Variants in SCN1A observed in about 807,000 individuals in gnomAD.
SCN1A encodes sodium voltage-gated channel alpha subunit 1, also known as sodium channel protein type 1 subunit alpha.
In SCN1A, 13 loss-of-function variants were observed where a neutral mutation model predicts 193.7. The observed-to-expected ratio is 0.07, with a 90% CI of 0.04 to 0.11. The LOEUF (loss-of-function observed/expected upper bound fraction) is 0.11. SCN1A is among the 10% of genes least tolerant of loss of function. The pLI is 1.00. For synonymous variants in SCN1A, 781 were observed against 843.6 expected (o/e 0.93, Z 1.29); for missense variants, 1,432 against 2,451.1 (o/e 0.58, Z 8.78).
rs768031961 is a variant in SCN1A, at chr2:165,994,161, T to C, written c.4837A>G (p.Ile1613Val). The change falls in exon 28 of 29, where the codon ATT becomes GTT. Residue 1613 changes from isoleucine to valine, a missense_variant. By Grantham distance (29) the Ile-to-Val change is conservative. Transcript: ENST00000674923. The part of the protein sequence containing the change: ...GWNIFDFVVV[I>V]LSIVGMFLAE... ...TATTTCTTACCTACAATGGAGAGAA[T>C]GACAACCACAAAATCAAAAATATTC... is the stretch of plus-strand genomic sequence containing the variant. 1.9e-6 allele frequency: 3 copies of C among 1,610,294 alleles called. No individual in the cohort carries two copies. Among genetic ancestry groups the C allele is most frequent in the South Asian group, 1.1e-5 (1 of 90,842 alleles).
At chr2:166,026,926 G>A (rs1468107733) in intron 19 of SCN1A, among the ~76,000 whole-genome samples, 3 of 151,752 alleles carry the variant, frequency 2.0e-5, no homozygotes, top group Admixed American at 6.6e-5. Flanking sequence ...CTCGTGATTC[G>A]CCCGCCTCGG....
chr2:166,096,923 T>A (rs1687445957), intron 2 of SCN1A, among the ~76,000 whole-genome samples: 1 of 152,230 alleles, frequency 6.6e-6, no homozygotes, highest in Non-Finnish European at 1.5e-5. Context: ...TCATAAAGTT[T>A]ACCACTAGAC....
intron 19 of SCN1A, among the ~76,000 whole-genome samples, chr2:166,032,683 A>G (rs1236848315): frequency 6.6e-6 from 1 of 152,174 alleles, no homozygotes; most frequent in Non-Finnish European, 1.5e-5. Context: ...GAAATGTATC[A>G]TTAGGGGATA....
rs569285277 is a variant in SCN1A, at chr2:166,111,447, A to C, written c.-142+15477T>G. 6.6e-5 allele frequency among the ~76,000 whole-genome samples: 10 copies of C among 152,274 alleles called. No homozygotes were observed. In the South Asian group the frequency reaches 2.1e-3, roughly 32 times the overall value. On this transcript the variant is annotated intron_variant, in intron 2 of 28. Coordinates refer to ENST00000674923, the MANE Select transcript of SCN1A (RefSeq NM_001165963.4). ...TTGAGACCTACTGCTCAGAAAAAAAAAAAAGATTCCATTCAAAATATTACC... is the reference window on the plus strand; with the variant it reads ...TTGAGACCTACTGCTCAGAAAAAAACAAAAGATTCCATTCAAAATATTACC...
downstream of SCN1A, chr2:165,985,053 C>T (rs1351894508): frequency 6.6e-6 from 1 of 151,964 alleles, no homozygotes; most frequent in East Asian, 1.9e-4. Flanking sequence ...GAGATAATGA[C>T]ACAGTGAATA....
At chr2:166,006,933 C>A (rs1293062543) in intron 23 of SCN1A, among the ~76,000 whole-genome samples, 1 of 151,196 alleles carries the variant, frequency 6.6e-6, no homozygotes, top group Admixed American at 6.6e-5. Context: ...CCGCCCTCAC[C>A]AATCCAGTAA....
chr2:166,097,660 C>G (rs188035371), intron 2 of SCN1A, among the ~76,000 whole-genome samples: 3 of 152,296 alleles, frequency 2.0e-5, no homozygotes, highest in Non-Finnish European at 4.4e-5. Flanking sequence ...TAGCTCACTG[C>G]AGCCTTGAAC....
At chr2:166,022,622 C>T (rs973010116) in intron 19 of SCN1A, among the ~76,000 whole-genome samples, 1 of 152,138 alleles carries the variant, frequency 6.6e-6, no homozygotes, top group Non-Finnish European at 1.5e-5. Context: ...TAATCCCCTG[C>T]CCTTATGTAT....
At chr2:166,000,574 C>T (rs575574397) in intron 24 of SCN1A, among the ~76,000 whole-genome samples, 8 of 151,680 alleles carry the variant, frequency 5.3e-5, no homozygotes, top group South Asian at 2.1e-4. Flanking sequence ...AAGCCTTTAG[C>T]GTCTGTATCA....
chr2:166,098,787 G>C (rs1687691435), intron 2 of SCN1A, among the ~76,000 whole-genome samples: 1 of 152,158 alleles, frequency 6.6e-6, no homozygotes, highest in Non-Finnish European at 1.5e-5. Context: ...AAAATACCTA[G>C]TAACACAGCT....
chr2:166,037,559 TG>T (rs1217060680), intron 18 of SCN1A, among the ~76,000 whole-genome samples: 2 of 152,214 alleles, frequency 1.3e-5, no homozygotes, highest in African/African-American at 4.8e-5. Context: ...ATTGCTGTGT[TG>T]TTAAAGTGAT....
intron 10 of SCN1A, 115 bp from the exon 11 acceptor site, chr2:166,047,883 CAAAT>C (rs1390930567): frequency 7.2e-7 from 1 of 1,395,554 alleles, no homozygotes; most frequent in Non-Finnish European, 1.0e-6. Context: ...AAAAGTTTGA[CAAAT>C]AAGTAACTAA....
At chr2:166,025,941 T>C (rs1446062035) in intron 19 of SCN1A, among the ~76,000 whole-genome samples, 1 of 152,166 alleles carries the variant, frequency 6.6e-6, no homozygotes, top group African/African-American at 2.4e-5. Flanking sequence ...TTATTATGCT[T>C]TTATTCAATA....
At chr2:166,094,312 T>C (rs1251408403) in intron 2 of SCN1A, among the ~76,000 whole-genome samples, 1 of 152,052 alleles carries the variant, frequency 6.6e-6, no homozygotes, top group Non-Finnish European at 1.5e-5. Flanking sequence ...ACTTAATGAG[T>C]TGAGTGGTTG....
intron 5 of SCN1A, among the ~76,000 whole-genome samples, chr2:166,056,722 G>A (rs537648194): frequency 2.9e-4 from 44 of 152,120 alleles, no homozygotes; most frequent in Non-Finnish European, 5.1e-4. Flanking sequence ...ATGAGGTAAT[G>A]TATATGAAAG....
intron 19 of SCN1A, among the ~76,000 whole-genome samples, chr2:166,017,799 A>C (rs1042265757): frequency 2.6e-5 from 4 of 152,020 alleles, no homozygotes; most frequent in Admixed American, 2.6e-4. Flanking sequence ...ATTCAGGTAC[A>C]AAGAATTATA....
At chr2:166,080,575 A>T (rs924011236) in intron 2 of SCN1A, among the ~76,000 whole-genome samples, 1 of 151,752 alleles carries the variant, frequency 6.6e-6, no homozygotes, top group Non-Finnish European at 1.5e-5. Context: ...TCTTTGGAAG[A>T]CAAGAAAAAT....
At position 166,036,228 on chromosome 2, in the gene SCN1A, T is replaced by C; in HGVS notation, c.3249A>G (p.Thr1083=). 1 of 1,613,980 alleles carries C rather than the reference T, an allele frequency of 6.2e-7. No individual in the cohort carries two copies. The highest frequency in any genetic ancestry group is 8.5e-7 in the Non-Finnish European group (1 of 1,179,876). ...CACTGCTGCCAGTTCCTATACCACT[T>C]GTAGTTCCATTTACATCTTTAAGAT... ...LDYLKDVNGT[T]SGIGTGSSVE... The change falls in exon 19 of 29, where the codon ACA becomes ACG. Residue 1083 remains threonine, a synonymous_variant. Coordinates refer to ENST00000674923, the MANE Select transcript of SCN1A (RefSeq NM_001165963.4).
intron 1 of SCN1A, among the ~76,000 whole-genome samples, chr2:166,147,351 G>A (rs1356451415): frequency 2.0e-5 from 3 of 152,068 alleles, no homozygotes; most frequent in Non-Finnish European, 4.4e-5. Flanking sequence ...ATATATGGTA[G>A]AATCAAAACT....
Sources: allele counts gnomAD v4.1 joint callset (sites outside exome capture counted in the v4.1 genomes callset), GRCh38; gene constraint gnomAD v4.1.1; transcripts MANE v1.5; gene names NCBI Gene and HGNC (gene_info 2026-07-23, HGNC 2026-07-21).